Variants in NEO1 observed in about 807,000 individuals in gnomAD.
NEO1 encodes neogenin 1.
NEO1 carries 63 observed loss-of-function variants against 159.7 expected under a neutral mutation model. The observed-to-expected ratio is 0.39, with a 90% confidence interval of 0.32 to 0.49. The LOEUF (loss-of-function observed/expected upper bound fraction) is 0.49. Ranked by LOEUF, NEO1 falls within the 20% of genes least tolerant of loss-of-function variation. The probability of loss-of-function intolerance (pLI) is 0.85; values close to 1 mark genes in which losing one functional copy is unlikely to be tolerated. For synonymous variants in NEO1, 633 were observed against 662.0 expected (o/e 0.96, Z 0.67); for missense variants, 1,615 against 1,831.0 (o/e 0.88, Z 2.15).
chr15:73,280,385 TGCTGTATCTTAGAAGAAAAC>T (rs1307831032), intron 22 of NEO1, among the ~76,000 whole-genome samples: 1 of 152,176 alleles, frequency 6.6e-6, no homozygotes, highest in African/African-American at 2.4e-5. Context: ...AGCTCACTCT[TGCTGTATCTTAGAAGAAAAC>T]TTTTGTCCAG....
At chr15:73,243,453 C>G (rs534793039) in intron 8 of NEO1, among the ~76,000 whole-genome samples, 10 of 152,306 alleles carry the variant, frequency 6.6e-5, no homozygotes, top group African/African-American at 2.2e-4. Flanking sequence ...TAGCTGTTTC[C>G]TCACATGAAT....
At chr15:73,290,979 A>G (rs1431860657) in intron 25 of NEO1, among the ~76,000 whole-genome samples, 1 of 152,228 alleles carries the variant, frequency 6.6e-6, no homozygotes, top group African/African-American at 2.4e-5. Flanking sequence ...TACAAAAACC[A>G]TCTTTGAAAG....
chr15:73,143,050 A>G (rs1333903978), intron 5 of NEO1, among the ~76,000 whole-genome samples: 1 of 152,242 alleles, frequency 6.6e-6, no homozygotes, highest in Non-Finnish European at 1.5e-5. Context: ...GGAAGAGGAA[A>G]TGGAGGTGCC....
intron 1 of NEO1, among the ~76,000 whole-genome samples, chr15:73,073,912 G>T (rs988421010): frequency 6.6e-6 from 1 of 152,128 alleles, no homozygotes; most frequent in Non-Finnish European, 1.5e-5. Context: ...GGAGATTGTA[G>T]ATTCCCAGTA....
intron 7 of NEO1, among the ~76,000 whole-genome samples, chr15:73,195,006 T>C (rs2036459698): frequency 6.6e-6 from 1 of 152,224 alleles, no homozygotes; most frequent in African/African-American, 2.4e-5. Context: ...ATAATTTGTT[T>C]GATGTTGAAC....
At chr15:73,080,829 A>AAC (rs2069009929) in intron 1 of NEO1, among the ~76,000 whole-genome samples, 1 of 152,142 alleles carries the variant, frequency 6.6e-6, no homozygotes, top group Non-Finnish European at 1.5e-5. Flanking sequence ...AGTGGAGGGA[A>AAC]AGGTGTGCTG....
chr15:73,158,270 T>C (rs2033929199), intron 5 of NEO1, among the ~76,000 whole-genome samples: 1 of 150,044 alleles, frequency 6.7e-6, no homozygotes, highest in Admixed American at 6.7e-5. Context: ...AGATTCAGCT[T>C]GTTAAATTTG....
At chr15:73,158,880 G>A (rs1324484127) in intron 5 of NEO1, among the ~76,000 whole-genome samples, 1 of 152,180 alleles carries the variant, frequency 6.6e-6, no homozygotes. Flanking sequence ...CATAATAGGT[G>A]TAACAAGCAA....
At chr15:73,280,179 A>G (rs1445965069) in intron 22 of NEO1, among the ~76,000 whole-genome samples, 1 of 152,000 alleles carries the variant, frequency 6.6e-6, no homozygotes, top group Admixed American at 6.6e-5. Context: ...CCAGCTACTC[A>G]GAAGGCTGAA....
intron 2 of NEO1, among the ~76,000 whole-genome samples, chr15:73,119,529 G>A (rs2071511298): frequency 6.6e-6 from 1 of 152,204 alleles, no homozygotes; most frequent in Admixed American, 6.5e-5. Context: ...GTGCCCAGAG[G>A]TGGGGTAATA....
intron 7 of NEO1, among the ~76,000 whole-genome samples, chr15:73,204,914 G>A (rs2037124969): frequency 6.6e-6 from 1 of 152,046 alleles, no homozygotes; most frequent in Non-Finnish European, 1.5e-5. Flanking sequence ...CTAGAAGTTG[G>A]GTTGTGTGTT....
chr15:73,235,456 T>C (rs1057316785), intron 7 of NEO1, among the ~76,000 whole-genome samples: 1 of 152,222 alleles, frequency 6.6e-6, no homozygotes, highest in African/African-American at 2.4e-5. Flanking sequence ...GTTATGAAGT[T>C]ACCCATGGCT....
chr15:73,244,383 A>G lies in NEO1; in HGVS notation c.1491A>G (p.Gln497=), dbSNP rs749200186. ...VENTSHPGEM[Q]VTIQNLMPAT... is the part of the protein sequence containing the mutation. ...ATACCAGTCACCCAGGAGAGATGCAAGTAACCATTCAAAACCTAATGCCAG... is the reference window on the plus strand; with the variant it reads ...ATACCAGTCACCCAGGAGAGATGCAGGTAACCATTCAAAACCTAATGCCAG... The change falls in exon 9 of 29, where the codon CAA becomes CAG. Residue 497 remains glutamine, a synonymous_variant. Coordinates refer to ENST00000261908, the MANE Select transcript of NEO1 (RefSeq NM_002499.4). 1.2e-6 allele frequency: 2 copies of G among 1,613,948 alleles called. No homozygotes were observed. The highest frequency in any genetic ancestry group is 1.7e-6 in the Non-Finnish European group (2 of 1,179,900).
chr15:73,236,190 T>G, intron 7 of NEO1, 157 bp from the exon 8 acceptor site: 16 of 962,118 alleles, frequency 1.7e-5, no homozygotes, highest in East Asian at 2.7e-5. Flanking sequence ...CCATCGTGGT[T>G]TTGTTTATTT....
At position 73,286,076 on chromosome 15, in the gene NEO1, C is replaced by G. The variant is rs2041934248; in HGVS notation, c.3411-2237C>G. On this transcript the variant is annotated intron_variant, in intron 23 of 28. Coordinates refer to ENST00000261908, the MANE Select transcript of NEO1 (RefSeq NM_002499.4). ...AATTATAATTATAACCTCACCCCCA[C>G]CCCCACCCCCTGTATGGTCCTTTTC... Among the ~76,000 whole-genome samples the G allele has an allele frequency of 3.1e-5, 4 of 128,890 alleles. No individual in the cohort carries two copies. In the South Asian group the frequency reaches 1.2e-3, roughly 37 times the overall value. The allele number at this position is 128,890 out of a possible 152,430, so 84.6% of individuals were successfully genotyped here. A position where few individuals can be genotyped will look rare whatever the true frequency, so the allele number is the denominator to read the frequency against.
intron 7 of NEO1, among the ~76,000 whole-genome samples, chr15:73,183,911 C>T (rs1234525682): frequency 2.6e-5 from 4 of 152,154 alleles, no homozygotes; most frequent in African/African-American, 4.8e-5. Flanking sequence ...AACTCTTTCA[C>T]ACTAATGACA....
chr15:73,113,083 C>T (rs1241941300), intron 1 of NEO1, among the ~76,000 whole-genome samples: 2 of 152,062 alleles, frequency 1.3e-5, no homozygotes, highest in Non-Finnish European at 2.9e-5. Context: ...TGCTCCAGAG[C>T]CACAGTGGCT....
chr15:73,190,470 C>T (rs1385804789), intron 7 of NEO1, among the ~76,000 whole-genome samples: 1 of 152,140 alleles, frequency 6.6e-6, no homozygotes, highest in Non-Finnish European at 1.5e-5. Context: ...GATAAGAATA[C>T]ACACTGAGCA....
chr15:73,102,142 C>T (rs1051177641), intron 1 of NEO1, among the ~76,000 whole-genome samples: 1 of 151,944 alleles, frequency 6.6e-6, no homozygotes, highest in Non-Finnish European at 1.5e-5. Flanking sequence ...CCGAGGCGGG[C>T]GGATCATGAG....
Sources: allele counts gnomAD v4.1 joint callset (sites outside exome capture counted in the v4.1 genomes callset), GRCh38; gene constraint gnomAD v4.1.1; transcripts MANE v1.5; gene names NCBI Gene and HGNC (gene_info 2026-07-23, HGNC 2026-07-21).